Variants in TCF7L2 observed in about 807,000 individuals in gnomAD.
The protein encoded by TCF7L2 is transcription factor 7 like 2, also known as transcription factor 7-like 2.
A neutral mutation model predicts 77.9 loss-of-function variants in TCF7L2; 23 were observed. The ratio of observed to expected loss-of-function variants is 0.30; its 90% CI spans 0.21 to 0.42. The LOEUF (loss-of-function observed/expected upper bound fraction) is 0.42, where lower values mean the gene tolerates loss of function less well. TCF7L2 is among the 10% of genes least tolerant of loss of function. The probability of loss-of-function intolerance (pLI) is 1.00; values close to 1 mark genes in which losing one functional copy is unlikely to be tolerated. For missense variants in TCF7L2, 654 were observed against 793.1 expected, an observed-to-expected ratio of 0.82 and a Z score of 2.11; for synonymous variants, 413 against 340.2, an observed-to-expected ratio of 1.21 and a Z score of -2.36.
chr10:113,138,394 T>G (rs920931616), intron 5 of TCF7L2, among the ~76,000 whole-genome samples: 7 of 152,146 alleles, frequency 4.6e-5, no homozygotes, highest in Non-Finnish European at 8.8e-5. Flanking sequence ...CGCCTTCATA[T>G]GTATATCTAA....
chr10:113,072,575 G>A (rs572089642), intron 5 of TCF7L2, among the ~76,000 whole-genome samples: 20 of 152,012 alleles, frequency 1.3e-4, no homozygotes, highest in Non-Finnish European at 2.5e-4. Flanking sequence ...GGCTGGTCTC[G>A]AACTCCTGAC....
rs1018033204 is a variant in TCF7L2, at chr10:113,032,674, C to T, written c.451-7351C>T. ...AAGTCAGGGTGAGTGAAAACACATCCGGTATGCTGGAGACCTAGATGCTTG... is the reference window on the plus strand; with the variant it reads ...AAGTCAGGGTGAGTGAAAACACATCTGGTATGCTGGAGACCTAGATGCTTG... On this transcript the variant is annotated intron_variant, in intron 4 of 13. Coordinates refer to ENST00000627217, the MANE Select transcript of TCF7L2 (RefSeq NM_001146274.2). Among the ~76,000 whole-genome samples, 30 of 152,122 alleles carry T rather than the reference C, an allele frequency of 2.0e-4. 1 individual carries two copies. Among genetic ancestry groups the T allele is most frequent in the African/African-American group, 6.5e-4 (27 of 41,418 alleles).
chr10:113,068,661 C>G (rs2057558734), intron 5 of TCF7L2, among the ~76,000 whole-genome samples: 1 of 152,142 alleles, frequency 6.6e-6, no homozygotes, highest in Admixed American at 6.6e-5. Context: ...TTTCAGGGAC[C>G]TCTGTGGCAG....
At chr10:112,989,032 C>T (rs769754409) in intron 4 of TCF7L2, among the ~76,000 whole-genome samples, 36 of 152,116 alleles carry the variant, frequency 2.4e-4, no homozygotes, top group Non-Finnish European at 4.6e-4. Flanking sequence ...CTGTCATGCT[C>T]TGCGGTTGCT....
Position 113,166,935 on chromosome 10 carries a change from T to C in TCF7L2, c.*963T>C, listed in dbSNP as rs1394340122. The C allele has an allele frequency of 3.0e-5, 7 of 230,824 alleles. No homozygotes were observed. The highest frequency in any genetic ancestry group is 1.5e-4 in the African/African-American group (7 of 45,170). The allele number at this position is 230,824 out of a possible 1,614,324, so 14.3% of individuals were successfully genotyped here. On this transcript the variant is annotated 3_prime_UTR_variant, in exon 14 of 14. Transcript: ENST00000627217. ...AAAAGCCATTATGTAAAACAAGACT[T>C]GAAAATGAGTGAGGGAATTTTAGCG...
chr10:113,163,323 T>C (rs554916315), intron 13 of TCF7L2, among the ~76,000 whole-genome samples: 2 of 152,334 alleles, frequency 1.3e-5, no homozygotes, highest in South Asian at 4.1e-4. Context: ...GATTCTGTTT[T>C]GAGCCCACCA....
intron 5 of TCF7L2, among the ~76,000 whole-genome samples, chr10:113,076,997 C>T (rs1446783801): frequency 6.6e-6 from 1 of 152,168 alleles, no homozygotes; most frequent in East Asian, 1.9e-4. Flanking sequence ...TGTTTAGTAG[C>T]ATGTCTGTAT....
chr10:113,089,014 AG>A (rs2060108263), intron 5 of TCF7L2, among the ~76,000 whole-genome samples: 1 of 152,132 alleles, frequency 6.6e-6, no homozygotes, highest in Non-Finnish European at 1.5e-5. Context: ...GTATTTTTGT[AG>A]GACAGAAATA....
rs148444045 is a variant in TCF7L2 at position 113,058,556 on chromosome 10, C to T, written c.552+18430C>T. On this transcript the variant is annotated intron_variant, in intron 5 of 13. Transcript: ENST00000627217. Reference sequence around the variant, plus strand: ...GGGCAGCTCATAGCCCCAGCCCCTTCCTTTTGCTTCCTGGTCAGTTTGTGA... The same window carrying T: ...GGGCAGCTCATAGCCCCAGCCCCTTTCTTTTGCTTCCTGGTCAGTTTGTGA... 3.0e-3 allele frequency among the ~76,000 whole-genome samples: 450 copies of T among 152,234 alleles called. 2 individuals carry two copies. Among genetic ancestry groups the T allele is most frequent in the Middle Eastern group, 6.8e-3 (2 of 294 alleles).
At chr10:113,160,061 T>C in intron 12 of TCF7L2, 69 bp downstream of exon 14, 1 of 1,408,140 alleles carries the variant, frequency 7.1e-7, no homozygotes, top group Non-Finnish European at 1.0e-6. Context: ...CCCCCTTCTC[T>C]GGCCTGTTGC....
intron 4 of TCF7L2, among the ~76,000 whole-genome samples, chr10:113,026,372 G>A (rs2049172257): frequency 6.7e-6 from 1 of 150,170 alleles, no homozygotes; most frequent in Non-Finnish European, 1.5e-5. Flanking sequence ...AGTTGGTCAG[G>A]CTCCTCTTGA....
intron 5 of TCF7L2, among the ~76,000 whole-genome samples, chr10:113,071,279 G>C (rs372740610): frequency 1.1e-4 from 17 of 152,254 alleles, no homozygotes; most frequent in African/African-American, 3.6e-4. Context: ...GTTAGCCCAG[G>C]ACTTCAGATG....
chr10:113,157,109 T>C (rs1478455024), intron 11 of TCF7L2, among the ~76,000 whole-genome samples: 1 of 152,164 alleles, frequency 6.6e-6, no homozygotes, highest in Non-Finnish European at 1.5e-5. Flanking sequence ...GCAGGTTTTT[T>C]TTGTTTGTTT....
intron 13 of TCF7L2, chr10:113,160,708 A>G (rs2137469787): frequency 6.3e-7 from 1 of 1,578,176 alleles, no homozygotes. Flanking sequence ...TACCACTGCG[A>G]GGCCTTTGGG....
intron 5 of TCF7L2, among the ~76,000 whole-genome samples, chr10:113,135,227 G>A (rs1308641414): frequency 6.6e-6 from 1 of 152,232 alleles, no homozygotes; most frequent in Non-Finnish European, 1.5e-5. Flanking sequence ...GCATGGCCAA[G>A]TTGCAGAGCG....
Position 112,965,458 on chromosome 10 carries a change from G to T in TCF7L2, c.450+834G>T, listed in dbSNP as rs556841279. Among the ~76,000 whole-genome samples the T allele has an allele frequency of 3.9e-5, 6 of 152,314 alleles. No individual in the cohort carries two copies. In the South Asian group the frequency reaches 1.2e-3, roughly 32 times the overall value. On this transcript the variant is annotated intron_variant, in intron 4 of 13. Transcript: ENST00000627217. ...GTACCAAAACTTCTTGAGTGTTCTG[G>T]CTTAACCCTTTGAAGGGATTCTCTT...
chr10:113,076,279 A>G (rs1270038812), intron 5 of TCF7L2, among the ~76,000 whole-genome samples: 1 of 152,140 alleles, frequency 6.6e-6, no homozygotes, highest in Non-Finnish European at 1.5e-5. Flanking sequence ...CTGGGACTAT[A>G]GGTGTGAATT....
chr10:113,036,482 C>T (rs1303883178), intron 4 of TCF7L2, among the ~76,000 whole-genome samples: 1 of 152,054 alleles, frequency 6.6e-6, no homozygotes, highest in Non-Finnish European at 1.5e-5. Context: ...ACAGTCTTTT[C>T]AGCTGCTTTG....
At chr10:113,003,236 CATT>C (rs1484412023) in intron 4 of TCF7L2, among the ~76,000 whole-genome samples, 1 of 152,182 alleles carries the variant, frequency 6.6e-6, no homozygotes, top group Admixed American at 6.5e-5. Context: ...TTTGAGCAAA[CATT>C]ATTTATTGTG....
Sources: allele counts gnomAD v4.1 joint callset (sites outside exome capture counted in the v4.1 genomes callset), GRCh38; gene constraint gnomAD v4.1.1; transcripts MANE v1.5; gene names NCBI Gene and HGNC (gene_info 2026-07-23, HGNC 2026-07-21).